Variants in SLC24A4 observed in about 807,000 individuals in gnomAD.
SLC24A4 encodes the protein sodium/potassium/calcium exchanger 4.
SLC24A4 carries 53 observed loss-of-function variants against 79.0 expected under a neutral mutation model. The observed-to-expected ratio is 0.67, with a 90% CI of 0.54 to 0.84. SLC24A4 has a LOEUF of 0.84. SLC24A4 is among the 40% of genes least tolerant of loss of function. SLC24A4 has a pLI of 0.00. For missense variants in SLC24A4, 731 were observed against 822.0 expected (o/e 0.89, Z 1.35); for synonymous variants, 323 against 323.8 (o/e 1.00, Z 0.03).
rs907334063 is a variant in SLC24A4, at chr14:92,475,942, G to A, written c.1256-6738G>A. 3.9e-5 allele frequency among the ~76,000 whole-genome samples: 6 copies of A among 152,250 alleles called. 1 individual carries two copies. The South Asian group carries it at 1.0e-3, about 26-fold the overall frequency. ...GAAAAACATAGCAATGGAACGGGTC[G>A]GTTGAAGCACTGTTTCTTAGGAAAC... is the stretch of plus-strand genomic sequence containing the variant. On this transcript the variant is annotated intron_variant, in intron 12 of 16. Transcript: ENST00000532405.
At chr14:92,472,711 A>G (rs1448642725) in intron 12 of SLC24A4, among the ~76,000 whole-genome samples, 1 of 152,180 alleles carries the variant, frequency 6.6e-6, no homozygotes, top group Non-Finnish European at 1.5e-5. Context: ...GGCTGGTTCC[A>G]CATTTTTGCA....
In SLC24A4 at chr14:92,490,631, C is replaced by G. The variant is rs1895628489; in HGVS notation, c.1538-1034C>G. On this transcript the variant is annotated intron_variant, in intron 14 of 16. Transcript: ENST00000532405. The surrounding 1 kb of genome is among the most constrained non-coding windows in gnomAD (Gnocchi z 4.3). ...ACCTTGGGCCGCCTGCAAACTGTGC[C>G]CTTGGGCACATCCCAAGCCTCAGTT... 6.6e-6 allele frequency among the ~76,000 whole-genome samples: 1 copy of G among 152,326 alleles called. No individual in the cohort carries two copies. Among genetic ancestry groups the G allele is most frequent in the African/African-American group, 2.4e-5 (1 of 41,574 alleles).
chr14:92,381,596 T>C (rs1267705789), intron 2 of SLC24A4, among the ~76,000 whole-genome samples: 1 of 152,170 alleles, frequency 6.6e-6, no homozygotes, highest in East Asian at 1.9e-4. Context: ...ATCCTAGAAC[T>C]TAAAGTACAA....
At chr14:92,454,502 G>T (rs1893339941) in intron 11 of SLC24A4, among the ~76,000 whole-genome samples, 1 of 152,146 alleles carries the variant, frequency 6.6e-6, no homozygotes, top group African/African-American at 2.4e-5. Context: ...TTTAAATGGG[G>T]TGCTTTTATT....
intron 2 of SLC24A4, among the ~76,000 whole-genome samples, chr14:92,333,724 G>A (rs1885612049): frequency 6.6e-6 from 1 of 152,158 alleles, no homozygotes; most frequent in Admixed American, 6.5e-5. Context: ...GGATGCAAGC[G>A]CTAGATGGAG....
At chr14:92,419,068 G>A (rs2141815031) in intron 2 of SLC24A4, among the ~76,000 whole-genome samples, 1 of 152,182 alleles carries the variant, frequency 6.6e-6, no homozygotes, top group South Asian at 2.1e-4. Context: ...CATTATTGAG[G>A]GTAATCTTCA....
chr14:92,424,487 G>A (rs1891459712), intron 2 of SLC24A4, among the ~76,000 whole-genome samples: 1 of 152,168 alleles, frequency 6.6e-6, no homozygotes, highest in African/African-American at 2.4e-5. Flanking sequence ...GATGGCAGAA[G>A]GTGAAAGGGA....
chr14:92,427,829 G>A (rs1022170215), intron 2 of SLC24A4, among the ~76,000 whole-genome samples: 26 of 152,376 alleles, frequency 1.7e-4, no homozygotes, highest in African/African-American at 6.3e-4. Flanking sequence ...CCAAGGTGAT[G>A]TATTAGGAGG....
In SLC24A4 at chr14:92,456,483, G is replaced by A; in HGVS notation, c.1130G>A (p.Gly377Glu). Residue 377 changes from glycine (G) to glutamate (E), a missense_variant, in exon 12 of 17, where the codon GGG becomes GAG. Transcript: ENST00000532405. ...GGGAGGCACGAGAACATTGAGAACG[G>A]GAATGTTCCTGTGGAAAACCCCGAA... ...QNGRHENIENGNVPVENPEDP... is the reference protein window; with the variant it reads ...QNGRHENIENENVPVENPEDP... 6.2e-7 allele frequency: 1 copy of A among 1,614,214 alleles called. No individual in the cohort carries two copies.
intron 2 of SLC24A4, among the ~76,000 whole-genome samples, chr14:92,418,548 G>A (rs1452407177): frequency 1.3e-5 from 2 of 152,166 alleles, no homozygotes; most frequent in Non-Finnish European, 2.9e-5. Flanking sequence ...TAATTCATAT[G>A]ATTATAGGGG....
At chr14:92,327,868 A>C (rs886525027) in intron 2 of SLC24A4, among the ~76,000 whole-genome samples, 1 of 152,202 alleles carries the variant, frequency 6.6e-6, no homozygotes, top group Non-Finnish European at 1.5e-5. Flanking sequence ...AATATCTTTA[A>C]AAATAGTTAA....
chr14:92,493,704 C>T lies in SLC24A4; in HGVS notation c.*76C>T. On this transcript the variant is annotated 3_prime_UTR_variant, in exon 17 of 17. Transcript: ENST00000532405. ...GTTCTCCTCTCCCCTCCTTCCCCCA[C>T]CACAGGTCTCTCCTGCATAGGCAGC... 6.6e-7 allele frequency: 1 copy of T among 1,507,936 alleles called. No homozygotes were observed. The highest frequency in any genetic ancestry group is 9.0e-7 in the Non-Finnish European group (1 of 1,106,480). The allele number at this position is 1,507,936 out of a possible 1,614,324, so 93.4% of individuals were successfully genotyped here.
chr14:92,433,883 A>T (rs774595699), intron 2 of SLC24A4, 29 bp from the exon 3 acceptor site: 31 of 1,601,596 alleles, frequency 1.9e-5, no homozygotes, highest in Non-Finnish European at 2.7e-5. Context: ...TAGATAACTA[A>T]CACTCTGCCA....
At chr14:92,343,604 C>CTTTG (rs1208111836) in intron 2 of SLC24A4, among the ~76,000 whole-genome samples, 2 of 144,588 alleles carry the variant, frequency 1.4e-5, no homozygotes, top group Non-Finnish European at 3.0e-5. Context: ...TTCTTTCTTT[C>CTTTG]TTTCTTTCTT....
chr14:92,376,626 C>G (rs1431777996), intron 2 of SLC24A4, among the ~76,000 whole-genome samples: 1 of 152,248 alleles, frequency 6.6e-6, no homozygotes, highest in Non-Finnish European at 1.5e-5. Flanking sequence ...CAAGTGTGCT[C>G]TGAGCCCAGC....
intron 1 of SLC24A4, among the ~76,000 whole-genome samples, chr14:92,324,908 A>C (rs757651235): frequency 4.6e-5 from 7 of 152,338 alleles, no homozygotes; most frequent in Non-Finnish European, 1.0e-4. Context: ...GATAGGTAAA[A>C]ATCCAGTGGA....
chr14:92,332,440 T>A (rs1388273691), intron 2 of SLC24A4, among the ~76,000 whole-genome samples: 1 of 152,142 alleles, frequency 6.6e-6, no homozygotes, highest in African/African-American at 2.4e-5. Flanking sequence ...TCCCAGCACT[T>A]TGGGAGGCTA....
chr14:92,342,092 C>G (rs1004423527), intron 2 of SLC24A4, among the ~76,000 whole-genome samples: 1 of 152,042 alleles, frequency 6.6e-6, no homozygotes. Flanking sequence ...ATGTTGCTGC[C>G]TCTTCCACAG....
chr14:92,476,842 T>A (rs1358601607), intron 12 of SLC24A4, among the ~76,000 whole-genome samples: 9 of 152,248 alleles, frequency 5.9e-5, no homozygotes, highest in Non-Finnish European at 1.3e-4. Flanking sequence ...CTTTGTGTAA[T>A]GTTTACAAGA....
Sources: allele counts gnomAD v4.1 joint callset (sites outside exome capture counted in the v4.1 genomes callset), GRCh38; gene constraint gnomAD v4.1.1; non-coding constraint Gnocchi (gnomAD v3.1); transcripts MANE v1.5; gene names NCBI Gene and HGNC (gene_info 2026-07-23, HGNC 2026-07-21).